The following BACE2 variants were observed in gnomAD, a reference collection of about 807,000 sequenced individuals.
BACE2 encodes 56 kDa aspartic-like protease.
Under a neutral mutation model 46.2 loss-of-function variants are expected in BACE2, and 17 were observed. The observed-to-expected ratio is 0.37, with a 90% CI of 0.25 to 0.55. The LOEUF (loss-of-function observed/expected upper bound fraction) is 0.55. Ranked by LOEUF, BACE2 falls within the 20% of genes least tolerant of loss-of-function variation. The pLI is 0.82. For synonymous variants in BACE2, 277 were observed against 295.9 expected (o/e 0.94, Z 0.66); for missense variants, 595 against 698.1 (o/e 0.85, Z 1.66).
intron 1 of BACE2, among the ~76,000 whole-genome samples, chr21:41,170,387 T>C (rs1361447102): frequency 1.3e-5 from 2 of 152,198 alleles, no homozygotes; most frequent in African/African-American, 4.8e-5. Flanking sequence ...TCTCAACCAT[T>C]AGCATGTTTC....
intron 1 of BACE2, among the ~76,000 whole-genome samples, chr21:41,174,641 G>C (rs973586085): frequency 1.3e-5 from 2 of 152,264 alleles, no homozygotes; most frequent in South Asian, 2.1e-4. Context: ...GAGAAGAGGT[G>C]GGGGGTTAGT....
intron 5 of BACE2, 55 bp from the exon 6 acceptor site, chr21:41,245,907 G>A: frequency 2.1e-6 from 3 of 1,409,090 alleles, no homozygotes; most frequent in Non-Finnish European, 2.9e-6. Context: ...GAGCCACGTG[G>A]GGCGGGGAGC....
At chr21:41,260,144 T>C (rs1484038283) in intron 8 of BACE2, among the ~76,000 whole-genome samples, 2 of 151,016 alleles carry the variant, frequency 1.3e-5, no homozygotes, top group Admixed American at 6.6e-5. Context: ...CAGCCTGTCT[T>C]TGTTTTGTTT....
intron 1 of BACE2, among the ~76,000 whole-genome samples, chr21:41,203,395 T>G (rs2123532758): frequency 1.3e-5 from 2 of 151,890 alleles, no homozygotes; most frequent in South Asian, 4.2e-4. Flanking sequence ...ACGACGGCCT[T>G]GAGGAGGAGC....
chr21:41,203,922 G>C (rs890070339), intron 1 of BACE2, among the ~76,000 whole-genome samples: 5 of 152,284 alleles, frequency 3.3e-5, no homozygotes, highest in Admixed American at 2.0e-4. Context: ...AGCTGTTTTT[G>C]GGGGGTGGTG....
intron 1 of BACE2, among the ~76,000 whole-genome samples, chr21:41,187,652 A>T (rs954878347): frequency 6.6e-6 from 1 of 152,098 alleles, no homozygotes; most frequent in Non-Finnish European, 1.5e-5. Context: ...AGTTCCTTGA[A>T]CTTTTATTGG....
intron 5 of BACE2, among the ~76,000 whole-genome samples, chr21:41,245,483 T>C (rs781207169): frequency 6.6e-6 from 1 of 152,252 alleles, no homozygotes; most frequent in Non-Finnish European, 1.5e-5. Flanking sequence ...CCTGGTTCTG[T>C]TCCCAGTGCA....
At chr21:41,262,370 C>G (rs1987961750) in intron 8 of BACE2, among the ~76,000 whole-genome samples, 2 of 152,162 alleles carry the variant, frequency 1.3e-5, no homozygotes, top group East Asian at 3.8e-4. Context: ...CCTGAGCCTA[C>G]TTCTGAGCAT....
At position 41,243,366 on chromosome 21, in the gene BACE2, C is replaced by T. The variant is rs2252576; in HGVS notation, c.748-10C>T. 0.25 allele frequency: 399,120 copies of T among 1,578,428 alleles called. 61,160 individuals carry two copies. Among genetic ancestry groups the T allele is most frequent in the African/African-American group, 0.73 (53,749 of 73,490 alleles). On this transcript the variant is annotated splice_polypyrimidine_tract_variant and intron_variant, in intron 4 of 8. Transcript: ENST00000330333. ...TTTTCTCTTATACCTGTAAATATTTCCTGTCCCAGGTCTTGGGTGGAATTG... is the reference window on the plus strand; with the variant it reads ...TTTTCTCTTATACCTGTAAATATTTTCTGTCCCAGGTCTTGGGTGGAATTG...
At chr21:41,209,143 A>C (rs1461252325) in intron 1 of BACE2, among the ~76,000 whole-genome samples, 2 of 152,220 alleles carry the variant, frequency 1.3e-5, no homozygotes, top group Non-Finnish European at 2.9e-5. Flanking sequence ...GATTGTGCAC[A>C]CCACTGCCGG....
chr21:41,190,752 T>C (rs1985540006), intron 1 of BACE2, among the ~76,000 whole-genome samples: 1 of 152,212 alleles, frequency 6.6e-6, no homozygotes. Flanking sequence ...TACTAAGAGA[T>C]GCCCTAATGG....
At chr21:41,222,452 C>T (rs1986687517) in intron 1 of BACE2, among the ~76,000 whole-genome samples, 1 of 152,202 alleles carries the variant, frequency 6.6e-6, no homozygotes, top group African/African-American at 2.4e-5. Flanking sequence ...GGGGAAGAGC[C>T]CCCACCCCAG....
chr21:41,180,075 CA>C (rs1210355369), intron 1 of BACE2: 2 of 258,382 alleles, frequency 7.7e-6, no homozygotes, highest in Non-Finnish European at 1.6e-5. Context: ...CCCACAGTAG[CA>C]GCTCAGAGGC....
intron 2 of BACE2, among the ~76,000 whole-genome samples, chr21:41,235,391 T>C (rs1205176938): frequency 6.6e-6 from 1 of 152,236 alleles, no homozygotes; most frequent in Non-Finnish European, 1.5e-5. Flanking sequence ...TTCCAGCTGT[T>C]TGCTGTTATA....
rs111741848 is a variant in BACE2, at chr21:41,191,390, A to G, written c.312+22815A>G. Reference sequence around the variant, plus strand: ...GGTCAGAGGCAATGCTGTGTGGAATACCATGACGGTGGATAATGTATTCCG... The same window carrying G: ...GGTCAGAGGCAATGCTGTGTGGAATGCCATGACGGTGGATAATGTATTCCG... On this transcript the variant is annotated intron_variant, in intron 1 of 8. Transcript: ENST00000330333. Among the ~76,000 whole-genome samples, 1,158 of 152,342 alleles carry G rather than the reference A, an allele frequency of 7.6e-3. 11 individuals are homozygous for G. Among genetic ancestry groups the G allele is most frequent in the African/African-American group, 0.026 (1,092 of 41,574 alleles).
At position 41,265,633 on chromosome 21, in the gene BACE2, A is replaced by G. The variant is rs368577076; in HGVS notation, c.1303+8307A>G. ...GAACTACCCACTCATATCTTTGCCC[A>G]TTGTTTTCTGTTGGATTCTTTTTTT... On this transcript the variant is annotated intron_variant, in intron 8 of 8. Coordinates refer to ENST00000330333, the MANE Select transcript of BACE2 (RefSeq NM_012105.5). Among the ~76,000 whole-genome samples, 7 of 152,064 alleles carry G rather than the reference A, an allele frequency of 4.6e-5. No homozygotes were observed. The East Asian group carries it at 7.7e-4, about 17-fold the overall frequency.
Position 41,250,848 on chromosome 21 carries a change from T to C in BACE2, c.1081T>C (p.Tyr361His). 6.2e-7 allele frequency: 1 copy of C among 1,614,152 alleles called. No individual in the cohort carries two copies. Among genetic ancestry groups the C allele is most frequent in the South Asian group, 1.1e-5 (1 of 91,082 alleles). ...PWSYFPKISI[Y>H]LRDENSSRSF... is the part of the protein sequence containing the mutation. The stretch of plus-strand genomic sequence containing the variant: ...GTCTTACTTCCCTAAAATCTCCATC[T>C]ACCTGAGAGACGAGAACTCCAGCAG... The change falls in exon 7 of 9, where the codon TAC becomes CAC. Residue 361 changes from tyrosine (Y) to histidine (H), a missense_variant. Physicochemically the swap from Tyr to His is moderately conservative, Grantham distance 83. This residue lies in a region of BACE2 where 343 missense variants were observed against 419.4 expected (regional missense o/e 0.82). Coordinates refer to ENST00000330333, the MANE Select transcript of BACE2 (RefSeq NM_012105.5).
intron 1 of BACE2, chr21:41,175,613 C>T (rs1984799490): frequency 6.6e-6 from 1 of 152,648 alleles, no homozygotes; most frequent in Non-Finnish European, 1.5e-5. Context: ...TGTGCAAACC[C>T]CCACCAGCAG....
At chr21:41,201,816 G>A (rs1985975852) in intron 1 of BACE2, among the ~76,000 whole-genome samples, 1 of 152,230 alleles carries the variant, frequency 6.6e-6, no homozygotes, top group Non-Finnish European at 1.5e-5. Flanking sequence ...AGTGGAGGGA[G>A]ATAATGTTTG....
Sources: gnomAD v4.1 joint callset for allele counts (sites outside exome capture counted in the v4.1 genomes callset) on GRCh38, gnomAD v4.1.1 for gene constraint, gnomAD v4.1.1 regional missense constraint, MANE v1.5 for transcripts, NCBI Gene and HGNC (gene_info 2026-07-23, HGNC 2026-07-21) for gene names.